HEPHL1: variants seen among roughly 807,000 people sequenced by gnomAD.
HEPHL1 encodes ferroxidase HEPHL1.
A neutral mutation model predicts 122.0 loss-of-function variants in HEPHL1; 123 were observed. The ratio of observed to expected loss-of-function variants is 1.01; its 90% CI spans 0.87 to 1.17. The LOEUF (loss-of-function observed/expected upper bound fraction) is 1.17, where lower values mean the gene tolerates loss of function less well. HEPHL1 is among the 50% of genes most tolerant of loss of function. The pLI is 0.00. For synonymous variants in HEPHL1, 527 were observed against 508.9 expected, an observed-to-expected ratio of 1.04 and a Z score of -0.48; for missense variants, 1,452 against 1,430.5, an observed-to-expected ratio of 1.01 and a Z score of -0.24.
chr11:94,031,431 G>T (rs1945674670), intron 1 of HEPHL1, among the ~76,000 whole-genome samples: 1 of 151,502 alleles, frequency 6.6e-6, no homozygotes, highest in Non-Finnish European at 1.5e-5. Context: ...GTATCTTGGT[G>T]ATCACGCCAT....
chr11:94,089,902 T>C (rs148890199), intron 12 of HEPHL1, among the ~76,000 whole-genome samples: 1 of 152,178 alleles, frequency 6.6e-6, no homozygotes, highest in East Asian at 1.9e-4. Context: ...GCCCAGTTCC[T>C]CTTTGTTCTT....
At chr11:94,070,007 C>A (rs1418823985) in intron 5 of HEPHL1, among the ~76,000 whole-genome samples, 1 of 152,054 alleles carries the variant, frequency 6.6e-6, no homozygotes, top group Non-Finnish European at 1.5e-5. Context: ...ACAATAGTAT[C>A]ATTTGAAAAC....
intron 1 of HEPHL1, among the ~76,000 whole-genome samples, chr11:94,036,397 A>G (rs1286994982): frequency 2.0e-5 from 3 of 152,150 alleles, no homozygotes; most frequent in Non-Finnish European, 4.4e-5. Context: ...GAGAAGAATC[A>G]AAGAGGATCG....
chr11:94,075,285 T>A lies in HEPHL1; in HGVS notation c.1616T>A (p.Leu539His). 1 of 1,613,586 alleles carries A rather than the reference T, an allele frequency of 6.2e-7. No individual in the cohort carries two copies. Among genetic ancestry groups the A allele is most frequent in the Non-Finnish European group, 8.5e-7 (1 of 1,179,660 alleles). The change falls in exon 9 of 20, where the codon CTT (leucine) becomes CAT (histidine). Residue 539 changes from leucine to histidine, a missense_variant. Leu to His is a moderately conservative substitution (Grantham distance 99). Coordinates refer to ENST00000315765, the MANE Select transcript of HEPHL1 (RefSeq NM_001098672.2). ...TAGDPPCLTY[L>H]YFSAVDPIKD... ...GGTGATCCTCCCTGTCTGACCTATC[T>A]TTACTTCTCAGCAGTTGATCCAATT...
rs1206417203 is a variant in HEPHL1 at position 94,021,797 on chromosome 11, C to A, written c.170+259C>A. Among the ~76,000 whole-genome samples the A allele has an allele frequency of 5.9e-5, 9 of 152,330 alleles. No individual in the cohort carries two copies. In the East Asian group the frequency reaches 1.7e-3, roughly 29 times the overall value. On this transcript the variant is annotated intron_variant, in intron 1 of 19. Transcript: ENST00000315765. Reference sequence around the variant, plus strand: ...GACATATACACAACCAGGTGTTTGACAATTTCCACCAGGTACTACTAGTAA... The same window carrying A: ...GACATATACACAACCAGGTGTTTGAAAATTTCCACCAGGTACTACTAGTAA...
rs962118466 is a variant in HEPHL1 at position 94,106,082 on chromosome 11, A to T, written c.2997A>T (p.Glu999Asp). The change falls in exon 17 of 20, where the codon GAA (glutamate) becomes GAT (aspartate). Residue 999 changes from glutamate (E) to aspartate (D), a missense_variant. Physicochemically the swap from Glu to Asp is conservative, Grantham distance 45 (BLOSUM62 2). Coordinates refer to ENST00000315765, the MANE Select transcript of HEPHL1 (RefSeq NM_001098672.2). ...GGTATTTGTTAGGGATAGGAAGTGA[A>T]GTGGACATACATACCATCCATTATC... ...TNWYLLGIGS[E>D]VDIHTIHYHA... is the part of the protein sequence containing the mutation. 1.9e-6 allele frequency: 3 copies of T among 1,599,388 alleles called. No individual in the cohort carries two copies. Among genetic ancestry groups the T allele is most frequent in the Non-Finnish European group, 2.6e-6 (3 of 1,170,076 alleles).
intron 1 of HEPHL1, among the ~76,000 whole-genome samples, chr11:94,041,550 A>G (rs1484823315): frequency 3.6e-5 from 3 of 83,530 alleles, no homozygotes; most frequent in Non-Finnish European, 7.4e-5. Context: ...AACAGAACAG[A>G]GCCCTCAGAA....
At chr11:94,094,126 C>G (rs1284196926) in intron 13 of HEPHL1, among the ~76,000 whole-genome samples, 5 of 150,828 alleles carry the variant, frequency 3.3e-5, no homozygotes, top group Non-Finnish European at 5.9e-5. Flanking sequence ...TTAGGTATAT[C>G]TCCTAATGCT....
chr11:94,081,422 G>A (rs1829373), intron 9 of HEPHL1, among the ~76,000 whole-genome samples: 109,233 of 152,126 alleles, frequency 0.72, 39,423 homozygotes, highest in African/African-American at 0.79. Flanking sequence ...ACAAATCTGC[G>A]CAGACTGCAC....
At position 94,104,746 on chromosome 11, in the gene HEPHL1, G is replaced by A; in HGVS notation, c.2901G>A (p.Met967Ile). The A allele has an allele frequency of 6.2e-7, 1 of 1,609,100 alleles. No homozygotes were observed. Among genetic ancestry groups the A allele is most frequent in the Non-Finnish European group, 8.5e-7 (1 of 1,175,686 alleles). ...ATGATTTTGAGGAAAGCAACAGAAT[G>A]CATGGTATATCCAAAGTTTAAAAAG... ...RTDDFEESNR[M>I]HAINGKIFGN... is the part of the protein sequence containing the mutation. Residue 967 changes from methionine (M) to isoleucine (I), a missense_variant, in exon 16 of 20, where the codon ATG becomes ATA. Met to Ile is a conservative substitution (Grantham distance 10, BLOSUM62 1). Coordinates refer to ENST00000315765, the MANE Select transcript of HEPHL1 (RefSeq NM_001098672.2).
chr11:94,095,810 GCTCT>G (rs1946306930), intron 13 of HEPHL1, among the ~76,000 whole-genome samples: 1 of 151,516 alleles, frequency 6.6e-6, no homozygotes, highest in Non-Finnish European at 1.5e-5. Context: ...TCATGATTTA[GCTCT>G]CTGTTTGTCT....
At chr11:94,042,882 A>AAAAAAAAACAAAAAACAAAC (rs1555058757) in intron 1 of HEPHL1, among the ~76,000 whole-genome samples, 18 of 136,838 alleles carry the variant, frequency 1.3e-4, no homozygotes, top group African/African-American at 5.0e-4. Context: ...TAATAAAAAA[A>AAAAAAAAACAAAAAACAAAC]AAAAAAAAAA....
chr11:94,110,597 G>A (rs1004305490), intron 17 of HEPHL1, among the ~76,000 whole-genome samples: 4 of 152,124 alleles, frequency 2.6e-5, no homozygotes, highest in Non-Finnish European at 5.9e-5. Context: ...TATTGATTTC[G>A]CATACCAACC....
At chr11:94,057,486 A>T (rs1205700266) in intron 2 of HEPHL1, among the ~76,000 whole-genome samples, 1 of 152,016 alleles carries the variant, frequency 6.6e-6, no homozygotes, top group Admixed American at 6.6e-5. Context: ...AGATAGGATA[A>T]TTTCTATTGA....
At chr11:94,060,547 T>C (rs1945979157) in intron 2 of HEPHL1, among the ~76,000 whole-genome samples, 1 of 152,064 alleles carries the variant, frequency 6.6e-6, no homozygotes, top group Non-Finnish European at 1.5e-5. Context: ...ACCTAACAGA[T>C]AAGAAGCTAA....
At chr11:94,089,167 C>T (rs1050015117) in intron 12 of HEPHL1, among the ~76,000 whole-genome samples, 199 bp downstream of exon 12, 7 of 152,174 alleles carry the variant, frequency 4.6e-5, no homozygotes, top group African/African-American at 7.2e-5. Context: ...CGCAGGCCCT[C>T]GGCGGGCTCT....
chr11:94,034,066 GTGTC>G (rs1303857585), intron 1 of HEPHL1, among the ~76,000 whole-genome samples: 4 of 152,228 alleles, frequency 2.6e-5, no homozygotes, highest in Non-Finnish European at 4.4e-5. Context: ...CAAGAAGAGA[GTGTC>G]TGATCTGGCA....
In HEPHL1 at chr11:94,027,843, A is replaced by G. The variant is rs142075946; in HGVS notation, c.170+6305A>G. On this transcript the variant is annotated intron_variant, in intron 1 of 19. Transcript: ENST00000315765. ...CCAGGGACCCAGAGTGAAAGAATGTATATAGAAGCACATCCAGATGGTATT... is the reference window on the plus strand; with the variant it reads ...CCAGGGACCCAGAGTGAAAGAATGTGTATAGAAGCACATCCAGATGGTATT... Among the ~76,000 whole-genome samples, 724 of 152,342 alleles carry G rather than the reference A, an allele frequency of 4.8e-3. 8 individuals carry two copies. The highest frequency in any genetic ancestry group is 0.017 in the Middle Eastern group (5 of 294).
chr11:94,021,658 G>A (rs73568863), intron 1 of HEPHL1, 120 bp downstream of exon 1: 2 of 794,068 alleles, frequency 2.5e-6, no homozygotes, highest in Non-Finnish European at 4.0e-6. Context: ...CCAAGAGAAG[G>A]TGTTTTGTTT....
Sources: allele counts gnomAD v4.1 joint callset (sites outside exome capture counted in the v4.1 genomes callset), GRCh38; gene constraint gnomAD v4.1.1; transcripts MANE v1.5; gene names NCBI Gene and HGNC (gene_info 2026-07-23, HGNC 2026-07-21).